Variants in GPC5 observed in about 807,000 individuals in gnomAD.
GPC5 encodes the protein glypican-5.
Under a neutral mutation model 53.9 loss-of-function variants are expected in GPC5, and 47 were observed. The ratio of observed to expected loss-of-function variants is 0.87; its 90% confidence interval spans 0.69 to 1.11. GPC5 has a LOEUF of 1.11. Among genes scored for constraint, GPC5 ranks in the 50% most tolerant of loss-of-function variants. The probability of loss-of-function intolerance (pLI) is 0.00; values close to 1 mark genes in which losing one functional copy is unlikely to be tolerated. For missense variants in GPC5, 748 were observed against 713.1 expected (o/e 1.05, Z -0.56); for synonymous variants, 286 against 263.3 (o/e 1.09, Z -0.84).
At chr13:92,376,217 A>G (rs191914016) in intron 7 of GPC5, among the ~76,000 whole-genome samples, 21 of 152,292 alleles carry the variant, frequency 1.4e-4, no homozygotes, top group Admixed American at 1.2e-3. Flanking sequence ...CTAAACTTTG[A>G]TATTTTATAA....
At chr13:91,578,475 A>C (rs1282391471) in intron 2 of GPC5, among the ~76,000 whole-genome samples, 1 of 152,154 alleles carries the variant, frequency 6.6e-6, no homozygotes, top group Non-Finnish European at 1.5e-5. Context: ...AGTTATTGGT[A>C]ATTTCCCAGG....
intron 7 of GPC5, among the ~76,000 whole-genome samples, chr13:92,844,035 C>T (rs1878518355): frequency 1.3e-5 from 2 of 151,192 alleles, no homozygotes. Context: ...GGTGTCTACT[C>T]CAACCACCTC....
chr13:92,375,871 G>T (rs2043689868), intron 7 of GPC5, among the ~76,000 whole-genome samples: 1 of 152,106 alleles, frequency 6.6e-6, no homozygotes, highest in Non-Finnish European at 1.5e-5. Flanking sequence ...AAATACCTAG[G>T]TTAGAATTTG....
At chr13:91,591,295 T>C (rs1211448960) in intron 2 of GPC5, among the ~76,000 whole-genome samples, 1 of 152,214 alleles carries the variant, frequency 6.6e-6, no homozygotes. Context: ...CCAATTCTGC[T>C]GAGAGGTCTG....
At chr13:92,506,859 T>C (rs1312819755) in intron 7 of GPC5, among the ~76,000 whole-genome samples, 1 of 152,204 alleles carries the variant, frequency 6.6e-6, no homozygotes, top group Non-Finnish European at 1.5e-5. Flanking sequence ...AATTGTGTTA[T>C]GAAAAGAATA....
intron 5 of GPC5, among the ~76,000 whole-genome samples, chr13:91,806,501 A>G (rs1389764093): frequency 2.0e-5 from 3 of 151,928 alleles, no homozygotes; most frequent in Non-Finnish European, 2.9e-5. Context: ...AAATGAATGC[A>G]TGGCAGGGGG....
intron 7 of GPC5, among the ~76,000 whole-genome samples, chr13:92,569,235 T>C (rs965151458): frequency 6.6e-6 from 1 of 151,878 alleles, no homozygotes; most frequent in African/African-American, 2.4e-5. Context: ...ATTTCATCCA[T>C]GTCCCTACAA....
intron 7 of GPC5, among the ~76,000 whole-genome samples, chr13:92,176,588 C>A (rs1451739484): frequency 6.6e-6 from 1 of 152,150 alleles, no homozygotes; most frequent in Non-Finnish European, 1.5e-5. Flanking sequence ...GCTTTGGATT[C>A]TGATTTTCCT....
chr13:92,631,239 T>C (rs1191871412), intron 7 of GPC5, among the ~76,000 whole-genome samples: 1 of 152,152 alleles, frequency 6.6e-6, no homozygotes, highest in Non-Finnish European at 1.5e-5. Flanking sequence ...AAATTGTCAC[T>C]TTTGATTTGT....
chr13:92,690,781 T>A (rs1200325612), intron 7 of GPC5, among the ~76,000 whole-genome samples: 1 of 81,570 alleles, frequency 1.2e-5, no homozygotes, highest in Admixed American at 1.8e-4. Context: ...GTTTTCCTTC[T>A]AACAGACAGG....
intron 7 of GPC5, among the ~76,000 whole-genome samples, chr13:92,500,069 C>T (rs1357869427): frequency 6.6e-6 from 1 of 152,088 alleles, no homozygotes; most frequent in African/African-American, 2.4e-5. Context: ...AAAGTTTCTC[C>T]AGCCTGGACT....
At chr13:92,295,636 T>C (rs2043029162) in intron 7 of GPC5, among the ~76,000 whole-genome samples, 1 of 152,208 alleles carries the variant, frequency 6.6e-6, no homozygotes, top group African/African-American at 2.4e-5. Context: ...TCTTGGGAGC[T>C]CCAGTATTAG....
At chr13:92,524,303 CAAG>C (rs1364918283) in intron 7 of GPC5, among the ~76,000 whole-genome samples, 1 of 152,066 alleles carries the variant, frequency 6.6e-6, no homozygotes, top group Non-Finnish European at 1.5e-5. Context: ...GATTTTATCT[CAAG>C]AAACCACTTT....
intron 7 of GPC5, among the ~76,000 whole-genome samples, chr13:92,260,144 C>T (rs1252816412): frequency 6.6e-6 from 1 of 152,116 alleles, no homozygotes; most frequent in African/African-American, 2.4e-5. Context: ...GTCTGTCTAA[C>T]TGAAACTGGA....
chr13:91,436,672 G>A (rs1290714752), intron 1 of GPC5, among the ~76,000 whole-genome samples: 1 of 152,202 alleles, frequency 6.6e-6, no homozygotes, highest in Admixed American at 6.5e-5. Flanking sequence ...TGTTGATTTG[G>A]GGTGGAGAGT....
chr13:92,232,104 G>A (rs1007411670), intron 7 of GPC5, among the ~76,000 whole-genome samples: 2 of 152,170 alleles, frequency 1.3e-5, no homozygotes, highest in Admixed American at 6.5e-5. Context: ...AGAATCTGAT[G>A]TGGCAGGCAG....
intron 7 of GPC5, among the ~76,000 whole-genome samples, chr13:92,804,654 G>A (rs553173125): frequency 6.6e-6 from 1 of 152,078 alleles, no homozygotes; most frequent in South Asian, 2.1e-4. Flanking sequence ...GGTTGGATTG[G>A]CTGTGGCAAT....
At chr13:92,303,617 T>A (rs1271294421) in intron 7 of GPC5, among the ~76,000 whole-genome samples, 2 of 152,144 alleles carry the variant, frequency 1.3e-5, no homozygotes, top group African/African-American at 4.8e-5. Context: ...TGCCAGATGG[T>A]GGCTATCAAG....
At chr13:92,819,579 A>T (rs1467219431) in intron 7 of GPC5, among the ~76,000 whole-genome samples, 1 of 152,144 alleles carries the variant, frequency 6.6e-6, no homozygotes, top group African/African-American at 2.4e-5. Flanking sequence ...TTTTTGAATA[A>T]AATTTTCTTT....
Sources: gnomAD v4.1 joint callset for allele counts (sites outside exome capture counted in the v4.1 genomes callset) on GRCh38, gnomAD v4.1.1 for gene constraint, MANE v1.5 for transcripts, NCBI Gene and HGNC (gene_info 2026-07-23, HGNC 2026-07-21) for gene names.